Variants in RBFOX2 observed in about 807,000 individuals in gnomAD.
The protein encoded by RBFOX2 is RNA binding fox-1 homolog 2, also known as RNA binding protein fox-1 homolog 2.
In RBFOX2, 10 loss-of-function variants were observed where a neutral mutation model predicts 49.1. That is an observed-to-expected ratio of 0.20 (90% confidence interval 0.13 to 0.35). The LOEUF (loss-of-function observed/expected upper bound fraction) is 0.35. Among genes scored for constraint, RBFOX2 ranks in the 10% least tolerant of loss-of-function variants. RBFOX2 has a pLI of 1.00. For synonymous variants in RBFOX2, 183 were observed against 187.4 expected, an observed-to-expected ratio of 0.98 and a Z score of 0.19; for missense variants, 323 against 486.9, an observed-to-expected ratio of 0.66 and a Z score of 3.17.
chr22:35,846,119 ATATAAG>A (rs2041154144), intron 1 of RBFOX2, among the ~76,000 whole-genome samples: 1 of 150,414 alleles, frequency 6.6e-6, no homozygotes, highest in South Asian at 2.1e-4. Flanking sequence ...TACATAAACT[ATATAAG>A]TATAAACTAT....
chr22:35,915,379 C>A (rs1227041609), intron 1 of RBFOX2, among the ~76,000 whole-genome samples: 2 of 152,202 alleles, frequency 1.3e-5, no homozygotes, highest in Non-Finnish European at 2.9e-5. Context: ...GGGGAGAATG[C>A]AGGAAGTGTC....
At chr22:35,817,743 C>T (rs973953778) in intron 1 of RBFOX2, among the ~76,000 whole-genome samples, 2 of 151,842 alleles carry the variant, frequency 1.3e-5, no homozygotes, top group East Asian at 3.9e-4. Flanking sequence ...TGTAAGGGGG[C>T]GTTGGAATTC....
At chr22:35,871,012 AACTGCCC>A (rs543821706) in intron 1 of RBFOX2, among the ~76,000 whole-genome samples, 258 of 152,256 alleles carry the variant, frequency 1.7e-3, no homozygotes, top group African/African-American at 6.1e-3. Flanking sequence ...ATACTTTTGA[AACTGCCC>A]ACTTAAAAGG....
At chr22:35,972,650 A>G (rs1190712531) in intron 1 of RBFOX2, among the ~76,000 whole-genome samples, 1 of 152,216 alleles carries the variant, frequency 6.6e-6, no homozygotes, top group Non-Finnish European at 1.5e-5. Flanking sequence ...ATAAAACATA[A>G]GAGTACACAC....
Position 35,853,125 on chromosome 22 carries a change from C to A in RBFOX2, c.-33-43121G>T, listed in dbSNP as rs2042128964. Among the ~76,000 whole-genome samples, 3 of 151,870 alleles carry A rather than the reference C, an allele frequency of 2.0e-5. No individual in the cohort carries two copies. In the South Asian group the frequency reaches 6.2e-4, roughly 32 times the overall value. The stretch of plus-strand genomic sequence containing the variant: ...CCTGGCCAACATGACGAAACTCCAT[C>A]TCTACTAAAAATACAAAAATTAGCC... On this transcript the variant is annotated intron_variant, in intron 1 of 13. Transcript: ENST00000359369.
rs1951995771 is a variant in RBFOX2, at chr22:35,812,132, A to T, written c.28-2128T>A. 2.0e-5 allele frequency among the ~76,000 whole-genome samples: 3 copies of T among 151,916 alleles called. No individual in the cohort carries two copies. The South Asian group carries it at 6.2e-4, about 32-fold the overall frequency. On this transcript the variant is annotated intron_variant, in intron 1 of 11. Coordinates refer to ENST00000405409, the Ensembl canonical transcript of RBFOX2. ...AAAAATTAGCCAAGCATGGTGCCAA[A>T]TGCCTTTAATCTCAGATATCTTGGA...
chr22:35,878,041 C>CTACT (rs1556297678), intron 1 of RBFOX2, among the ~76,000 whole-genome samples: 26 of 64,182 alleles, frequency 4.1e-4, no homozygotes, highest in African/African-American at 1.7e-3. Context: ...ACTACTACTA[C>CTACT]ACACACACAC....
At chr22:35,898,180 C>T (rs752832695) in intron 1 of RBFOX2, 101 of 750,212 alleles carry the variant, frequency 1.3e-4, no homozygotes, top group Admixed American at 1.9e-4. Flanking sequence ...TGACCCCACG[C>T]GTCCAAGGTG....
intron 5 of RBFOX2, among the ~76,000 whole-genome samples, chr22:35,767,013 G>A (rs550578302): frequency 5.6e-4 from 86 of 152,248 alleles, no homozygotes; most frequent in African/African-American, 2.0e-3. Flanking sequence ...TACAAACGGG[G>A]GTTTGGGAAA....
rs1438500039 is a variant in RBFOX2 at position 35,759,241 on chromosome 22, G to A, written c.887+647C>T. ...ACCCTCCATAAAAAAATCAAACGGT[G>A]AAGGATGCTCAGCTACAGTCGCTGT... On this transcript the variant is annotated intron_variant, in intron 9 of 11. Coordinates refer to ENST00000405409, the Ensembl canonical transcript of RBFOX2. This position sits in a 1 kb window ranked among gnomAD's most constrained non-coding sequence, Gnocchi z 4.6. Among the ~76,000 whole-genome samples, 2 of 152,220 alleles carry A rather than the reference G, an allele frequency of 1.3e-5. No homozygotes were observed. Among genetic ancestry groups the A allele is most frequent in the Admixed American group, 1.3e-4 (2 of 15,278 alleles).
chr22:35,941,160 T>C (rs1203979777), upstream of RBFOX2, among the ~76,000 whole-genome samples: 1 of 152,176 alleles, frequency 6.6e-6, no homozygotes, highest in Non-Finnish European at 1.5e-5. Context: ...ATACTGATTT[T>C]TATAGGGGAG....
chr22:35,840,663 G>A, upstream of RBFOX2: 22 of 997,770 alleles, frequency 2.2e-5, no homozygotes, highest in Non-Finnish European at 2.6e-5. Context: ...TGTGTAGGGG[G>A]GAGGAGGTAG....
intron 1 of RBFOX2, among the ~76,000 whole-genome samples, chr22:36,004,505 T>A (rs2058548247): frequency 6.6e-6 from 1 of 152,096 alleles, no homozygotes; most frequent in Non-Finnish European, 1.5e-5. Flanking sequence ...TGTCTGATAG[T>A]TAAGAAACAG....
intron 1 of RBFOX2, among the ~76,000 whole-genome samples, chr22:35,921,851 G>A (rs1054776019): frequency 4.6e-5 from 7 of 152,194 alleles, no homozygotes; most frequent in African/African-American, 7.2e-5. Context: ...CTGGGGCAGA[G>A]GGGCAGATTC....
chr22:35,919,345 C>T (rs568023888), intron 1 of RBFOX2, among the ~76,000 whole-genome samples: 1 of 152,288 alleles, frequency 6.6e-6, no homozygotes, highest in East Asian at 1.9e-4. Context: ...CAAGGCCAGC[C>T]TGGCCAACAT....
At chr22:35,988,605 T>C (rs1485441038) in intron 1 of RBFOX2, among the ~76,000 whole-genome samples, 3 of 151,866 alleles carry the variant, frequency 2.0e-5, no homozygotes, top group Admixed American at 1.3e-4. Flanking sequence ...AGACATGTTA[T>C]AGAGGGAATG....
intron 2 of RBFOX2, among the ~76,000 whole-genome samples, chr22:35,796,765 G>A (rs942924807): frequency 6.6e-6 from 1 of 152,174 alleles, no homozygotes; most frequent in Admixed American, 6.5e-5. Flanking sequence ...TCTTTCAAAT[G>A]TGAGGACATT....
intron 1 of RBFOX2, among the ~76,000 whole-genome samples, chr22:35,852,812 G>A (rs1412784614): frequency 2.6e-5 from 4 of 152,128 alleles, no homozygotes. Flanking sequence ...CTTAATTATA[G>A]AGGAAATTCC....
chr22:35,896,278 G>A (rs1486316024), intron 1 of RBFOX2, among the ~76,000 whole-genome samples: 1 of 152,138 alleles, frequency 6.6e-6, no homozygotes, highest in Admixed American at 6.5e-5. Flanking sequence ...TGGCCATGGA[G>A]TCTTTTGCAT....
Sources: allele counts gnomAD v4.1 joint callset (sites outside exome capture counted in the v4.1 genomes callset), GRCh38; gene constraint gnomAD v4.1.1; non-coding constraint Gnocchi (gnomAD v3.1); transcripts MANE v1.5; gene names NCBI Gene and HGNC (gene_info 2026-07-23, HGNC 2026-07-21).